Variants in TNRC6A observed in about 807,000 individuals in gnomAD.
TNRC6A encodes trinucleotide repeat containing adaptor 6A.
Under a neutral mutation model 221.2 loss-of-function variants are expected in TNRC6A, and 44 were observed. That is an observed-to-expected ratio of 0.20 (90% CI 0.16 to 0.26). The LOEUF (loss-of-function observed/expected upper bound fraction) is 0.26. TNRC6A is among the 10% of genes least tolerant of loss of function. The probability of loss-of-function intolerance (pLI) is 1.00; values close to 1 mark genes in which losing one functional copy is unlikely to be tolerated. For synonymous variants in TNRC6A, 847 were observed against 838.5 expected (o/e 1.01, Z -0.18); for missense variants, 2,199 against 2,404.4 (o/e 0.91, Z 1.79).
chr16:24,762,048 T>C (rs2057375315), intron 4 of TNRC6A, among the ~76,000 whole-genome samples: 1 of 152,112 alleles, frequency 6.6e-6, no homozygotes, highest in South Asian at 2.1e-4. Flanking sequence ...ACCCCTGAGC[T>C]CCTAAGGGAG....
At chr16:24,752,797 G>A (rs1463921205) in intron 3 of TNRC6A, among the ~76,000 whole-genome samples, 1 of 152,178 alleles carries the variant, frequency 6.6e-6, no homozygotes, top group Non-Finnish European at 1.5e-5. Flanking sequence ...GCATCTGAGT[G>A]TTGAATTAGG....
chr16:24,799,967 A>G (rs1478153470), intron 11 of TNRC6A, among the ~76,000 whole-genome samples: 7 of 152,132 alleles, frequency 4.6e-5, no homozygotes, highest in African/African-American at 1.7e-4. Flanking sequence ...CACTGCCTTC[A>G]TTTCGTAATC....
At chr16:24,742,891 A>G (rs1240463811) in intron 2 of TNRC6A, among the ~76,000 whole-genome samples, 1 of 152,206 alleles carries the variant, frequency 6.6e-6, no homozygotes, top group Non-Finnish European at 1.5e-5. Context: ...AGATCGAGCC[A>G]TTGCACTCCA....
At chr16:24,813,598 C>T (rs1305771862) in intron 18 of TNRC6A, among the ~76,000 whole-genome samples, 1 of 152,226 alleles carries the variant, frequency 6.6e-6, no homozygotes, top group Non-Finnish European at 1.5e-5. Flanking sequence ...GGGTTAGACA[C>T]ATCAGTCAGT....
intron 2 of TNRC6A, among the ~76,000 whole-genome samples, chr16:24,705,381 G>C (rs997189703): frequency 3.3e-5 from 5 of 151,892 alleles, no homozygotes; most frequent in African/African-American, 9.7e-5. Flanking sequence ...ACCCAGGCTG[G>C]AGTGCAGTGG....
chr16:24,754,733 A>G (rs1241359376), intron 3 of TNRC6A, among the ~76,000 whole-genome samples: 2 of 152,130 alleles, frequency 1.3e-5, no homozygotes, highest in African/African-American at 4.8e-5. Flanking sequence ...TGTAACCTTT[A>G]CTTGAAGCAT....
At chr16:24,656,454 G>T (rs1193875906) in intron 2 of TNRC6A, among the ~76,000 whole-genome samples, 1 of 116,028 alleles carries the variant, frequency 8.6e-6, no homozygotes, top group Non-Finnish European at 1.7e-5. Flanking sequence ...GCAACAGAGC[G>T]AGACTCCATC....
intron 2 of TNRC6A, among the ~76,000 whole-genome samples, chr16:24,666,668 A>AAAAATAT (rs1555487103): frequency 1.5e-5 from 1 of 65,134 alleles, no homozygotes; most frequent in Non-Finnish European, 2.4e-5. Context: ...AAAAAAAAAA[A>AAAAATAT]ATATATATAT....
At chr16:24,751,593 C>T (rs569780451) in intron 3 of TNRC6A, among the ~76,000 whole-genome samples, 15 of 152,250 alleles carry the variant, frequency 9.9e-5, no homozygotes, top group African/African-American at 3.6e-4. Context: ...CACTCATCTC[C>T]TACTATGTCA....
intron 1 of TNRC6A, among the ~76,000 whole-genome samples, chr16:24,639,188 G>A (rs1010440979): frequency 2.2e-4 from 34 of 152,216 alleles, no homozygotes; most frequent in East Asian, 1.9e-4. Flanking sequence ...GTTTGTCATA[G>A]AAGATGAGAA....
intron 2 of TNRC6A, chr16:24,641,147 G>C (rs773158699): frequency 6.6e-6 from 1 of 152,290 alleles, no homozygotes; most frequent in Non-Finnish European, 1.5e-5. Flanking sequence ...AACTGGGCAA[G>C]AGAAAGGGGG....
At chr16:24,682,575 G>A (rs1262346153) in intron 2 of TNRC6A, among the ~76,000 whole-genome samples, 2 of 151,990 alleles carry the variant, frequency 1.3e-5, no homozygotes, top group Admixed American at 6.6e-5. Flanking sequence ...GCAGAAAACC[G>A]CAAGGATCCA....
chr16:24,723,584 ACT>A (rs1382085481), intron 2 of TNRC6A, among the ~76,000 whole-genome samples: 2 of 82,936 alleles, frequency 2.4e-5, no homozygotes, highest in Non-Finnish European at 4.8e-5. Flanking sequence ...ACAGAGCAAG[ACT>A]CTGTCAAAAA....
intron 20 of TNRC6A, 42 bp from the exon 21 acceptor site, chr16:24,818,551 G>T (rs370635535): frequency 1.3e-6 from 2 of 1,526,528 alleles, no homozygotes; most frequent in Admixed American, 1.7e-5. Context: ...GAACCTCCAC[G>T]TCCCTTGCTC....
At chr16:24,751,232 A>G (rs964907636) in intron 3 of TNRC6A, among the ~76,000 whole-genome samples, 5 of 152,192 alleles carry the variant, frequency 3.3e-5, no homozygotes, top group East Asian at 1.9e-4. Flanking sequence ...GTTTTGTTAA[A>G]TGAGGGTTGA....
chr16:24,821,793 A>G (rs1011992984), intron 22 of TNRC6A: 2 of 467,106 alleles, frequency 4.3e-6, no homozygotes, highest in Non-Finnish European at 7.7e-6. Flanking sequence ...CCTATCAATG[A>G]GAAGATCTCA....
At chr16:24,615,835 G>A (rs1054465308) in intron 1 of TNRC6A, among the ~76,000 whole-genome samples, 4 of 151,884 alleles carry the variant, frequency 2.6e-5, no homozygotes, top group African/African-American at 9.7e-5. Flanking sequence ...AGACAAGCCT[G>A]GGCAACATAA....
At chr16:24,675,690 CTCTCTCTCTCTCTATATATA>C (rs1352354234) in intron 2 of TNRC6A, among the ~76,000 whole-genome samples, 7 of 87,080 alleles carry the variant, frequency 8.0e-5, no homozygotes, top group African/African-American at 2.4e-4. Context: ...CTCTCTCTCT[CTCTCTCTCTCTCTATATATA>C]TATATATATA....
Position 24,626,903 on chromosome 16 carries a change from T to C in TNRC6A, n.277-13981T>C, listed in dbSNP as rs529324569. Among the ~76,000 whole-genome samples, 7 of 151,422 alleles carry C rather than the reference T, an allele frequency of 4.6e-5. No individual in the cohort carries two copies. In the East Asian group the frequency reaches 1.2e-3, roughly 25 times the overall value. ...TCCTGACCTCGTGATCCACCCGCCTTGGCCTCCCAAAGTGCTGGGATTACA... is the reference window on the plus strand; with the variant it reads ...TCCTGACCTCGTGATCCACCCGCCTCGGCCTCCCAAAGTGCTGGGATTACA... On this transcript the variant is annotated intron_variant and non_coding_transcript_variant, in intron 1 of 2. Coordinates refer to the TNRC6A transcript ENST00000566108.
Sources: allele counts gnomAD v4.1 joint callset (sites outside exome capture counted in the v4.1 genomes callset), GRCh38; gene constraint gnomAD v4.1.1; transcripts MANE v1.5; gene names NCBI Gene and HGNC (gene_info 2026-07-23, HGNC 2026-07-21).